The following L1CAM variants were observed in gnomAD, a reference collection of about 807,000 sequenced individuals.
L1CAM encodes the protein L1 cell adhesion molecule.
In L1CAM, 8 loss-of-function variants were observed where a neutral mutation model predicts 93.0. The ratio of observed to expected loss-of-function variants is 0.09; its 90% CI spans 0.05 to 0.16. L1CAM has a LOEUF of 0.16. Among genes scored for constraint, L1CAM ranks in the 10% least tolerant of loss-of-function variants. The pLI is 1.00. For missense variants in L1CAM, 777 were observed against 1,073.4 expected, an observed-to-expected ratio of 0.72 and a Z score of 3.86; for synonymous variants, 453 against 453.0, an observed-to-expected ratio of 1.00 and a Z score of 0.00.
Position 153,867,394 on chromosome X carries a change from G to T in L1CAM, c.2099C>A (p.Pro700His). The T allele has an allele frequency of 8.3e-7, 1 of 1,210,118 alleles. No individual in the cohort carries two copies. The highest frequency in any genetic ancestry group is 1.1e-6 in the Non-Finnish European group (1 of 894,757). The part of the protein sequence containing the change: ...TAINKYGPGE[P>H]SPVSETVVTP... ...GACCACAGTCTCAGAGACCGGGCTG[G>T]GCTCCCCGGGGCCATATTTGTTTAT... Residue 700 changes from proline (P) to histidine (H), a missense_variant, in exon 17 of 29, where the codon CCC (proline) becomes CAC (histidine). By Grantham distance (77) the Pro-to-His change is moderately conservative. Transcript: ENST00000370060.
intron 1 of L1CAM, among the ~76,000 whole-genome samples, chrX:153,879,430 C>T (rs1183161096): frequency 1.1e-5 from 1 of 89,680 alleles, no homozygotes; most frequent in Non-Finnish European, 2.1e-5. Context: ...TGGGGGTGGG[C>T]GTGTGCACGT....
At chrX:153,871,453 C>T (rs1557093107) in intron 5 of L1CAM, among the ~76,000 whole-genome samples, 1 of 110,166 alleles carries the variant, frequency 9.1e-6, no homozygotes, top group Non-Finnish European at 1.9e-5. Context: ...TCCCTGCCCA[C>T]CCTAGGAAAG....
chrX:153,865,134 G>T lies in L1CAM; in HGVS notation c.2826C>A (p.Leu942=). The change falls in exon 22 of 29, where the codon CTC becomes CTA. Residue 942 remains leucine, a synonymous_variant. Transcript: ENST00000370060. ...TSLLLRWQPP[L]SHNGVLTGYV... The stretch of plus-strand genomic sequence containing the variant: ...AGCCGGTGAGCACGCCGTTGTGGCT[G>T]AGTGGGGGCTGCCAGCGCAGCAGCA... The T allele has an allele frequency of 8.3e-7, 1 of 1,210,066 alleles. No individual in the cohort carries two copies. Among genetic ancestry groups the T allele is most frequent in the Non-Finnish European group, 1.1e-6 (1 of 894,986 alleles).
intron 1 of L1CAM, chrX:153,884,011 G>A (rs1318354909): frequency 5.7e-6 from 2 of 350,309 alleles, no homozygotes; most frequent in African/African-American, 2.6e-5. Flanking sequence ...CCTGGGAGAG[G>A]CCGATTGGGG....
At chrX:153,874,014 G>A (rs186021205) in intron 2 of L1CAM, among the ~76,000 whole-genome samples, 1 of 112,904 alleles carries the variant, frequency 8.9e-6, no homozygotes, top group Non-Finnish European at 1.9e-5. Flanking sequence ...GGTCCAGGGA[G>A]GGAGGAGGGG....
Position 153,864,716 on chromosome X carries a change from C to A in L1CAM, c.3047-12G>T. The A allele has an allele frequency of 8.2e-7, 1 of 1,212,158 alleles. No individual in the cohort carries two copies. The highest frequency in any genetic ancestry group is 1.1e-6 in the Non-Finnish European group (1 of 895,548). ...AAAATCTGAGATCCCTGGGGGGATGCAGGGGAACGAGGAGAGTGTGGCAGC... is the reference window on the plus strand; with the variant it reads ...AAAATCTGAGATCCCTGGGGGGATGAAGGGGAACGAGGAGAGTGTGGCAGC... On this transcript the variant is annotated splice_polypyrimidine_tract_variant and intron_variant, in intron 23 of 28. Coordinates refer to ENST00000370060, the MANE Select transcript of L1CAM (RefSeq NM_001278116.2).
chrX:153,883,911 C>T, intron 1 of L1CAM: 1 of 341,083 alleles, frequency 2.9e-6, no homozygotes, highest in Non-Finnish European at 5.9e-6. Flanking sequence ...GGCACACAGG[C>T]CTGTCTCCTC....
intron 22 of L1CAM, 32 bp downstream of exon 22, chrX:153,865,056 A>G: frequency 8.3e-7 from 1 of 1,210,133 alleles, no homozygotes; most frequent in African/African-American, 1.7e-5. Context: ...TGGCCCCTCC[A>G]CCTCCCTTCC....
chrX:153,875,938 G>C lies in L1CAM; in HGVS notation c.-102C>G. 3.1e-6 allele frequency: 2 copies of C among 648,803 alleles called. No homozygotes were observed. Among genetic ancestry groups the C allele is most frequent in the East Asian group, 3.4e-5 (1 of 29,437 alleles). 53.5% of individuals were successfully genotyped at this position (648,803 alleles called of 1,213,427 possible). A position where few individuals can be genotyped will look rare whatever the true frequency, so the allele number is the denominator to read the frequency against. Reference sequence around the variant, plus strand: ...GCGGCTTGGGGCGGGAGTTGGGAGTGGGGGCACTGGGAGAGGGGAGAAGGG... The same window carrying C: ...GCGGCTTGGGGCGGGAGTTGGGAGTCGGGGCACTGGGAGAGGGGAGAAGGG... On this transcript the variant is annotated 5_prime_UTR_variant, in exon 2 of 29. Transcript: ENST00000370060.
In L1CAM at chrX:153,870,513, G is replaced by C; in HGVS notation, c.695-14C>G. On this transcript the variant is annotated splice_polypyrimidine_tract_variant and intron_variant, in intron 7 of 28. Transcript: ENST00000370060. ...TCATGCTGTTGGCTGCCAGGAGAAA[G>C]TGGGTGGGTGGGCTGCCCACTCTTC... The C allele has an allele frequency of 8.6e-7, 1 of 1,169,500 alleles. No individual in the cohort carries two copies. The highest frequency in any genetic ancestry group is 1.2e-6 in the Non-Finnish European group (1 of 857,520).
rs2064778370 is a variant in L1CAM, at chrX:153,872,304, C to T, written c.248G>A (p.Gly83Asp). The T allele has an allele frequency of 8.3e-7, 1 of 1,204,466 alleles. No individual in the cohort carries two copies. Among genetic ancestry groups the T allele is most frequent in the African/African-American group, 1.8e-5 (1 of 55,605 alleles). The change falls in exon 5 of 29, where the codon GGT (glycine) becomes GAT (aspartate). Residue 83 changes from glycine (G) to aspartate (D), a missense_variant. Coordinates refer to ENST00000370060, the MANE Select transcript of L1CAM (RefSeq NM_001278116.2). ...GTGGGGCGACTGGTACACGGTCACA[C>T]CCAGCTCTTCCTTGGGTTTGAAGTG... ...GVHFKPKEEL[G>D]VTVYQSPHSG...
chrX:153,862,411 C>A lies in L1CAM; in HGVS notation c.*252G>T. 1 of 367,383 alleles carries A rather than the reference C, an allele frequency of 2.7e-6. No individual in the cohort carries two copies. Among genetic ancestry groups the A allele is most frequent in the Admixed American group, 4.6e-5 (1 of 21,770 alleles). The allele number at this position is 367,383 out of a possible 1,213,427, so 30.3% of individuals were successfully genotyped here. On this transcript the variant is annotated 3_prime_UTR_variant, in exon 29 of 29. Coordinates refer to ENST00000370060, the MANE Select transcript of L1CAM (RefSeq NM_001278116.2). ...TCCCCCAAACCACAGCCTCTCTGCC[C>A]AAATGGGCTGGCAAAACAGCACCCA...
In L1CAM at chrX:153,867,423, A is replaced by G; in HGVS notation, c.2070T>C (p.Thr690=). 4 of 1,210,312 alleles carry G rather than the reference A, an allele frequency of 3.3e-6. No individual in the cohort carries two copies. Among genetic ancestry groups the G allele is most frequent in the Non-Finnish European group, 3.4e-6 (3 of 894,119 alleles). The change falls in exon 17 of 29, where the codon ACT becomes ACC. Residue 690 remains threonine, a synonymous_variant. Coordinates refer to ENST00000370060, the MANE Select transcript of L1CAM (RefSeq NM_001278116.2). ...SPYVHYTFRV[T]AINKYGPGEP... Reference sequence around the variant, plus strand: ...CCCCGGGGCCATATTTGTTTATGGCAGTAACCCTAAAGGTGTAGTGGACAT... The same window carrying G: ...CCCCGGGGCCATATTTGTTTATGGCGGTAACCCTAAAGGTGTAGTGGACAT...
rs782241896 is a variant in L1CAM at position 153,865,009 on chromosome X, A to C, written c.2873-15T>G. On this transcript the variant is annotated splice_polypyrimidine_tract_variant and intron_variant, in intron 22 of 28. Transcript: ENST00000370060. Reference sequence around the variant, plus strand: ...CCCCTCATCCACTGTGGGGACAGACAGGGGTTGGCTGTGGCTGCAGCTCTG... The same window carrying C: ...CCCCTCATCCACTGTGGGGACAGACCGGGGTTGGCTGTGGCTGCAGCTCTG... 3 of 1,212,096 alleles carry C rather than the reference A, an allele frequency of 2.5e-6. No individual in the cohort carries two copies. Among genetic ancestry groups the C allele is most frequent in the Non-Finnish European group, 3.4e-6 (3 of 895,482 alleles).
At chrX:153,877,418 C>T (rs782338554) in intron 1 of L1CAM, among the ~76,000 whole-genome samples, 17 of 104,794 alleles carry the variant, frequency 1.6e-4, no homozygotes, top group Middle Eastern at 5.2e-3. Flanking sequence ...GCGGAGATTG[C>T]GCCATTGTAC....
chrX:153,862,553 G>T lies in L1CAM; in HGVS notation c.*110C>A. The T allele has an allele frequency of 1.7e-6, 1 of 597,620 alleles. No homozygotes were observed. Among genetic ancestry groups the T allele is most frequent in the Non-Finnish European group, 2.6e-6 (1 of 384,096 alleles). The allele number at this position is 597,620 out of a possible 1,213,427, so 49.3% of individuals were successfully genotyped here. A position where few individuals can be genotyped will look rare whatever the true frequency, so the allele number is the denominator to read the frequency against. The stretch of plus-strand genomic sequence containing the variant: ...GGACCGGGTGGTAGGAAGGGGATCC[G>T]AGGCAGCAAGTTCTCCTCTGCCCCA... On this transcript the variant is annotated 3_prime_UTR_variant, in exon 29 of 29. Transcript: ENST00000370060.
At chrX:153,883,691 C>T (rs1393111450) in intron 1 of L1CAM, 1 of 325,430 alleles carries the variant, frequency 3.1e-6, no homozygotes, top group East Asian at 9.9e-5. Flanking sequence ...CCCACTCATG[C>T]CCCCACTCAT....
rs200498723 is a variant in L1CAM at position 153,865,340 on chromosome X, G to A, written c.2708C>T (p.Ser903Leu). Reference sequence around the variant, plus strand: ...GAAGGTGAACTCGCTGGCGGGCCCCGATCCTCGCCCGTTAAAGGCCTGCAC... The same window carrying A: ...GAAGGTGAACTCGCTGGCGGGCCCCAATCCTCGCCCGTTAAAGGCCTGCAC... Reference protein sequence around the residue: ...LEVQAFNGRGSGPASEFTFST... With the variant: ...LEVQAFNGRGLGPASEFTFST... Residue 903 changes from serine (S) to leucine (L), a missense_variant, in exon 21 of 29, where the codon TCG becomes TTG. By Grantham distance (145) the Ser-to-Leu change is moderately radical (BLOSUM62 -2). Around this residue, in one of 5 missense-constraint regions of L1CAM, gnomAD observed 574 missense variants for 781.0 expected, o/e 0.73. Coordinates refer to ENST00000370060, the MANE Select transcript of L1CAM (RefSeq NM_001278116.2). 3.3e-6 allele frequency: 4 copies of A among 1,210,969 alleles called. No homozygotes were observed. The highest frequency in any genetic ancestry group is 1.7e-5 in the African/African-American group (1 of 57,758).
chrX:153,864,036 C>T lies in L1CAM; in HGVS notation c.3323-19G>A. On this transcript the variant is annotated intron_variant, in intron 25 of 28. Coordinates refer to ENST00000370060, the MANE Select transcript of L1CAM (RefSeq NM_001278116.2). Reference sequence around the variant, plus strand: ...ACGCGGCCTGAGGGTGAGACACCAGCCCCCCGTGCTGCCGCCCAAGCCAGA... The same window carrying T: ...ACGCGGCCTGAGGGTGAGACACCAGTCCCCCGTGCTGCCGCCCAAGCCAGA... The T allele has an allele frequency of 2.5e-6, 3 of 1,210,878 alleles. No individual in the cohort carries two copies. The highest frequency in any genetic ancestry group is 2.2e-6 in the Non-Finnish European group (2 of 894,868).
Sources: allele counts gnomAD v4.1 joint callset (sites outside exome capture counted in the v4.1 genomes callset), GRCh38; gene constraint gnomAD v4.1.1; regional missense constraint gnomAD v4.1.1; transcripts MANE v1.5; gene names NCBI Gene and HGNC (gene_info 2026-07-23, HGNC 2026-07-21).